The following RYR3 variants were observed in gnomAD, a reference collection of about 807,000 sequenced individuals.
RYR3 encodes brain ryanodine receptor-calcium release channel.
RYR3 carries 207 observed loss-of-function variants against 584.3 expected under a neutral mutation model. The observed-to-expected ratio is 0.35, with a 90% confidence interval of 0.32 to 0.40. The LOEUF is 0.40. Among genes scored for constraint, RYR3 ranks in the 10% least tolerant of loss-of-function variants. The pLI is 1.00. For missense variants in RYR3, 5,616 were observed against 6,089.2 expected, an observed-to-expected ratio of 0.92 and a Z score of 2.59; for synonymous variants, 2,416 against 2,248.5, an observed-to-expected ratio of 1.07 and a Z score of -2.11.
At chr15:33,649,375 A>G in intron 31 of RYR3, 140 bp downstream of exon 31, 1 of 775,278 alleles carries the variant, frequency 1.3e-6, no homozygotes, top group Non-Finnish European at 2.1e-6. Context: ...GACTTCAAAG[A>G]AACAAACCGG....
At chr15:33,459,364 C>T (rs1474843412) in intron 1 of RYR3, among the ~76,000 whole-genome samples, 1 of 151,852 alleles carries the variant, frequency 6.6e-6, no homozygotes, top group Non-Finnish European at 1.5e-5. Context: ...TCCCTTTTGC[C>T]CTGGGGTAGA....
intron 1 of RYR3, among the ~76,000 whole-genome samples, chr15:33,396,628 T>TG (rs1219123998): frequency 3.3e-5 from 5 of 152,194 alleles, no homozygotes; most frequent in Non-Finnish European, 5.9e-5. Flanking sequence ...GCTGCCTGTG[T>TG]ACAAATCTAA....
rs372903924 is a variant in RYR3 at position 33,728,864 on chromosome 15, G to A, written c.7041G>A (p.Ser2347=). ...TTTCTATGTGTCTTTCAGATGGGTC[G>A]GTCAGTGAGCCAGATATGGCGGCCA... The part of the protein sequence containing the change: ...LKLPSLNKDG[S]VSEPDMAANF... The change falls in exon 47 of 104, where the codon TCG becomes TCA. Residue 2347 remains serine, a synonymous_variant. Coordinates refer to ENST00000634891, the MANE Select transcript of RYR3 (RefSeq NM_001036.6). 3.5e-5 allele frequency: 56 copies of A among 1,610,874 alleles called. No homozygotes were observed. The highest frequency in any genetic ancestry group is 2.2e-4 in the Admixed American group (13 of 59,390).
chr15:33,604,037 G>A (rs2059796599), intron 18 of RYR3, among the ~76,000 whole-genome samples: 1 of 152,154 alleles, frequency 6.6e-6, no homozygotes. Context: ...TGAAAAACGC[G>A]AGATTAACTC....
At chr15:33,694,751 C>T (rs1369495097) in intron 38 of RYR3, among the ~76,000 whole-genome samples, 1 of 152,214 alleles carries the variant, frequency 6.6e-6, no homozygotes. Flanking sequence ...AGTCTGCAGT[C>T]CCTGCCTAGT....
rs1344831337 is a variant in RYR3 at position 33,598,231 on chromosome 15, G to GA, written c.1789-3179dup. Among the ~76,000 whole-genome samples, 209 of 16,752 alleles carry GA rather than the reference G, an allele frequency of 0.012. No individual in the cohort carries two copies. The East Asian group carries it at 0.21, about 17-fold the overall frequency. The allele number at this position is 16,752 out of a possible 152,430, so 11.0% of individuals were successfully genotyped here. On this transcript the variant is annotated intron_variant, in intron 16 of 103. Transcript: ENST00000634891. ...AAAATGGAATTCAGTTAACTGAGAAGAAAAAAAAATTGCTCAAAAAAAAAA... is the reference window on the plus strand; with the variant it reads ...AAAATGGAATTCAGTTAACTGAGAAGAAAAAAAAAATTGCTCAAAAAAAAAA...
chr15:33,839,006 C>A, intron 89 of RYR3, 48 bp downstream of exon 89: 1 of 1,562,582 alleles, frequency 6.4e-7, no homozygotes, highest in Non-Finnish European at 8.6e-7. Flanking sequence ...CAGAATAAGA[C>A]TTGCCACCAT....
At chr15:33,481,437 G>GT (rs1335219047) in intron 2 of RYR3, among the ~76,000 whole-genome samples, 1 of 151,494 alleles carries the variant, frequency 6.6e-6, no homozygotes, top group African/African-American at 2.4e-5. Context: ...TATCTTCTCT[G>GT]TTGGCTTTTT....
At position 33,843,520 on chromosome 15, in the gene RYR3, G is replaced by A; in HGVS notation, c.13242G>A (p.Arg4414=). 6.2e-7 allele frequency: 1 copy of A among 1,604,688 alleles called. No homozygotes were observed. Among genetic ancestry groups the A allele is most frequent in the Middle Eastern group, 1.7e-4 (1 of 6,048 alleles). Residue 4414 remains arginine (R), a synonymous_variant, in exon 92 of 104, where the codon AGG becomes AGA. Transcript: ENST00000634891. ...TGGCCAGGAATTTCTACAACCTGAG[G>A]TTCCTTGCTCTGTTTGTAGCCTTCG... ...HYLARNFYNL[R]FLALFVAFAI...
intron 20 of RYR3, among the ~76,000 whole-genome samples, chr15:33,624,268 AT>A (rs1451991822): frequency 1.3e-5 from 2 of 152,240 alleles, no homozygotes; most frequent in Non-Finnish European, 2.9e-5. Flanking sequence ...AGACAGAAAT[AT>A]TTATTGTCTG....
intron 38 of RYR3, among the ~76,000 whole-genome samples, chr15:33,690,346 G>T (rs2065332484): frequency 6.6e-6 from 1 of 152,216 alleles, no homozygotes; most frequent in African/African-American, 2.4e-5. Context: ...CTAGCAGGTT[G>T]CCCTTTGGTG....
chr15:33,508,179 C>T (rs1349266586), intron 3 of RYR3, among the ~76,000 whole-genome samples: 3 of 151,998 alleles, frequency 2.0e-5, no homozygotes, highest in Non-Finnish European at 4.4e-5. Context: ...TTTACAACTA[C>T]GAAGAGAGAT....
At chr15:33,810,139 T>C (rs2076440364) in intron 70 of RYR3, among the ~76,000 whole-genome samples, 1 of 152,218 alleles carries the variant, frequency 6.6e-6, no homozygotes, top group Admixed American at 6.5e-5. Flanking sequence ...CTCAGAACTT[T>C]TCTGGGGCCA....
At chr15:33,807,831 G>T in intron 70 of RYR3, 1 of 525,700 alleles carries the variant, frequency 1.9e-6, no homozygotes, top group Non-Finnish European at 3.4e-6. Flanking sequence ...CCCTTCTCCA[G>T]CTGCCCTCTC....
intron 1 of RYR3, among the ~76,000 whole-genome samples, chr15:33,455,978 T>C (rs2047522727): frequency 6.6e-6 from 1 of 152,218 alleles, no homozygotes; most frequent in Non-Finnish European, 1.5e-5. Context: ...TAGATTGTAT[T>C]CTTACAGAAT....
rs2078180731 is a variant in RYR3, at chr15:33,838,660, G to C, written c.12680G>C (p.Arg4227Thr). ...GGLVEGAKNI[R>T]VTKILGDMPD... ...CTGGTAGAAGGGGCAAAGAACATCAGAGTGACCAAGATCCTGGGTGACATG... is the reference window on the plus strand; with the variant it reads ...CTGGTAGAAGGGGCAAAGAACATCACAGTGACCAAGATCCTGGGTGACATG... The change falls in exon 89 of 104, where the codon AGA becomes ACA. Residue 4227 changes from arginine (R) to threonine (T), a missense_variant. By Grantham distance (71) the Arg-to-Thr change is moderately conservative (BLOSUM62 -1). This residue lies in a region of RYR3 where 918 missense variants were observed against 887.4 expected (regional missense o/e 1.03). Transcript: ENST00000634891. 1 of 1,613,834 alleles carries C rather than the reference G, an allele frequency of 6.2e-7. No individual in the cohort carries two copies. The highest frequency in any genetic ancestry group is 1.3e-5 in the African/African-American group (1 of 74,912).
chr15:33,825,383 T>C (rs760815576), intron 81 of RYR3, among the ~76,000 whole-genome samples: 6 of 152,196 alleles, frequency 3.9e-5, no homozygotes, highest in Non-Finnish European at 5.9e-5. Flanking sequence ...ATGACCCCTC[T>C]ACCTGTATGT....
rs759037329 is a variant in RYR3, at chr15:33,662,459, C to T, written c.4929C>T (p.Phe1643=). The change falls in exon 35 of 104, where the codon TTC becomes TTT. Residue 1643 remains phenylalanine (F), a synonymous_variant. Coordinates refer to ENST00000634891, the MANE Select transcript of RYR3 (RefSeq NM_001036.6). ...GCACCACCAGGAATATCCGCCTCTTCCCGGACGAGTCCAAGAGGCATGGAC... is the reference window on the plus strand; with the variant it reads ...GCACCACCAGGAATATCCGCCTCTTTCCGGACGAGTCCAAGAGGCATGGAC... The part of the protein sequence containing the change: ...ITSTTRNIRL[F]PDESKRHGLP... 1.2e-6 allele frequency: 2 copies of T among 1,613,994 alleles called. No homozygotes were observed. Among genetic ancestry groups the T allele is most frequent in the Non-Finnish European group, 1.7e-6 (2 of 1,179,874 alleles).
chr15:33,522,628 G>A (rs1433593403), intron 3 of RYR3, among the ~76,000 whole-genome samples: 1 of 152,202 alleles, frequency 6.6e-6, no homozygotes, highest in Admixed American at 6.5e-5. Context: ...AGGAGAAGGA[G>A]GGTTTGGCAA....
Sources: gnomAD v4.1 joint callset for allele counts (sites outside exome capture counted in the v4.1 genomes callset) on GRCh38, gnomAD v4.1.1 for gene constraint, gnomAD v4.1.1 regional missense constraint, MANE v1.5 for transcripts, NCBI Gene and HGNC (gene_info 2026-07-23, HGNC 2026-07-21) for gene names.